TNFRSF19: variants seen among roughly 807,000 people sequenced by gnomAD.
The protein encoded by TNFRSF19 is tumor necrosis factor receptor superfamily member 19.
TNFRSF19 carries 27 observed loss-of-function variants against 46.4 expected under a neutral mutation model. That is an observed-to-expected ratio of 0.58 (90% CI 0.43 to 0.80). The LOEUF is 0.80. TNFRSF19 is among the 30% of genes least tolerant of loss of function. TNFRSF19 has a pLI of 0.00. For missense variants in TNFRSF19, 511 were observed against 530.8 expected (o/e 0.96, Z 0.37); for synonymous variants, 204 against 205.0 (o/e 1.00, Z 0.04).
chr13:23,666,612 G>A (rs971298186), intron 7 of TNFRSF19, among the ~76,000 whole-genome samples: 1 of 152,170 alleles, frequency 6.6e-6, no homozygotes, highest in Non-Finnish European at 1.5e-5. Context: ...ACCAAAAGAA[G>A]TCCCAGGTTT....
chr13:23,635,693 A>C (rs73156773), intron 5 of TNFRSF19, among the ~76,000 whole-genome samples: 2,883 of 152,272 alleles, frequency 0.019, 46 homozygotes, highest in Middle Eastern at 0.058. Context: ...ACATTATTTT[A>C]ATTGCTTCAT....
intron 5 of TNFRSF19, among the ~76,000 whole-genome samples, chr13:23,629,759 C>G (rs115005611): frequency 6.6e-6 from 1 of 152,208 alleles, no homozygotes; most frequent in Non-Finnish European, 1.5e-5. Flanking sequence ...GATACCTGCC[C>G]CGGGGCAAGC....
intron 5 of TNFRSF19, among the ~76,000 whole-genome samples, chr13:23,637,463 C>A (rs1025600536): frequency 6.6e-6 from 1 of 152,212 alleles, no homozygotes; most frequent in African/African-American, 2.4e-5. Context: ...TTCCAAGTCT[C>A]AAGAAAAACA....
At chr13:23,596,611 G>C (rs1186851031) in intron 3 of TNFRSF19, among the ~76,000 whole-genome samples, 1 of 151,992 alleles carries the variant, frequency 6.6e-6, no homozygotes, top group Non-Finnish European at 1.5e-5. Flanking sequence ...CAAGTTCTTA[G>C]AGACCTACAC....
intron 5 of TNFRSF19, among the ~76,000 whole-genome samples, chr13:23,648,341 T>C (rs1027944602): frequency 4.6e-5 from 7 of 152,222 alleles, no homozygotes; most frequent in African/African-American, 1.7e-4. Context: ...TTTAGTCTTT[T>C]TGATATTTTG....
intron 5 of TNFRSF19, among the ~76,000 whole-genome samples, chr13:23,652,929 C>T (rs1883737180): frequency 6.6e-6 from 1 of 152,214 alleles, no homozygotes. Flanking sequence ...CCTGTCCTTT[C>T]TGTGGGAGAT....
chr13:23,603,080 A>G (rs1341417618), intron 3 of TNFRSF19, among the ~76,000 whole-genome samples: 1 of 152,084 alleles, frequency 6.6e-6, no homozygotes, highest in Non-Finnish European at 1.5e-5. Flanking sequence ...AAAAAATTCA[A>G]TAAAACTGAT....
At chr13:23,664,555 C>T (rs1951587595) in intron 7 of TNFRSF19, among the ~76,000 whole-genome samples, 1 of 152,184 alleles carries the variant, frequency 6.6e-6, no homozygotes, top group South Asian at 2.1e-4. Flanking sequence ...CTGTTATCAC[C>T]CATGGAAGCA....
At chr13:23,624,646 GA>G (rs2138283478) in intron 4 of TNFRSF19, among the ~76,000 whole-genome samples, 1 of 151,478 alleles carries the variant, frequency 6.6e-6, no homozygotes, top group African/African-American at 2.4e-5. Context: ...TTATATATAT[GA>G]AAAAAAGAAA....
At chr13:23,649,920 G>GATTGGAAAATCAAAAGAAATCCTT (rs1593286532) in intron 5 of TNFRSF19, among the ~76,000 whole-genome samples, 2 of 152,212 alleles carry the variant, frequency 1.3e-5, no homozygotes, top group East Asian at 3.9e-4. Context: ...AAGCTACTTT[G>GATTGGAAAATCAAAAGAAATCCTT]TATGATTTCT....
chr13:23,654,983 C>A (rs1883886159), intron 5 of TNFRSF19, among the ~76,000 whole-genome samples: 2 of 152,182 alleles, frequency 1.3e-5, no homozygotes, highest in Admixed American at 1.3e-4. Flanking sequence ...TTGCCTTTGT[C>A]CAGTGTGACA....
chr13:23,626,846 G>T, intron 5 of TNFRSF19, 54 bp downstream of exon 5: 1 of 1,574,886 alleles, frequency 6.3e-7, no homozygotes, highest in Non-Finnish European at 8.7e-7. Flanking sequence ...TTTTGAAAAA[G>T]TTTAAATTTG....
intron 1 of TNFRSF19, among the ~76,000 whole-genome samples, chr13:23,576,216 C>T (rs1453363486): frequency 2.6e-5 from 4 of 151,864 alleles, no homozygotes; most frequent in African/African-American, 9.7e-5. Flanking sequence ...TCACTGCAAC[C>T]TCTGCCTCCC....
chr13:23,586,457 G>A (rs998791299), intron 1 of TNFRSF19, among the ~76,000 whole-genome samples: 2 of 152,160 alleles, frequency 1.3e-5, no homozygotes, highest in Non-Finnish European at 2.9e-5. Flanking sequence ...TAGAGGAAGG[G>A]ACAGTTGAGG....
intron 5 of TNFRSF19, among the ~76,000 whole-genome samples, chr13:23,636,672 A>G (rs35209282): frequency 0.23 from 35,479 of 152,130 alleles, 4,817 homozygotes; most frequent in East Asian, 0.4. Flanking sequence ...GGGAGGAGGC[A>G]GAGACACCCA....
intron 5 of TNFRSF19, among the ~76,000 whole-genome samples, chr13:23,656,904 T>A (rs1431425742): frequency 6.6e-6 from 1 of 152,202 alleles, no homozygotes; most frequent in Non-Finnish European, 1.5e-5. Flanking sequence ...TATGGCCTTT[T>A]GTGACTCTGT....
chr13:23,622,919 G>A (rs1881764410), intron 4 of TNFRSF19, among the ~76,000 whole-genome samples: 1 of 152,074 alleles, frequency 6.6e-6, no homozygotes, highest in Admixed American at 6.6e-5. Flanking sequence ...ATATTGTCTT[G>A]TGATTTTTTA....
chr13:23,602,317 A>C (rs922463396), intron 3 of TNFRSF19, among the ~76,000 whole-genome samples: 9 of 152,166 alleles, frequency 5.9e-5, no homozygotes, highest in African/African-American at 2.2e-4. Context: ...CTAAGAAATT[A>C]TAATAATCTT....
intron 3 of TNFRSF19, among the ~76,000 whole-genome samples, chr13:23,593,880 C>T (rs1466974602): frequency 6.6e-6 from 1 of 152,142 alleles, no homozygotes; most frequent in Non-Finnish European, 1.5e-5. Flanking sequence ...CAGGTGTTTT[C>T]TGCATTTCCA....
Sources: allele counts gnomAD v4.1 joint callset (sites outside exome capture counted in the v4.1 genomes callset), GRCh38; gene constraint gnomAD v4.1.1; transcripts MANE v1.5; gene names NCBI Gene and HGNC (gene_info 2026-07-23, HGNC 2026-07-21).